The following MED22 variants were observed in gnomAD, a reference collection of about 807,000 sequenced individuals.
The protein encoded by MED22 is mediator complex subunit 22, also known as mediator of RNA polymerase II transcription subunit 22.
Under a neutral mutation model 22.7 loss-of-function variants are expected in MED22, and 22 were observed. The observed-to-expected ratio is 0.97, with a 90% CI of 0.69 to 1.38. MED22 has a LOEUF of 1.38. Among genes scored for constraint, MED22 ranks in the 40% most tolerant of loss-of-function variants. The pLI is 0.00. For missense variants in MED22, 247 were observed against 263.0 expected, an observed-to-expected ratio of 0.94 and a Z score of 0.42; for synonymous variants, 134 against 119.4, an observed-to-expected ratio of 1.12 and a Z score of -0.80.
chr9:133,342,508 CAG>C (rs1320850644), intron 4 of MED22: 2 of 986,830 alleles, frequency 2.0e-6, no homozygotes, highest in Non-Finnish European at 2.4e-6. Flanking sequence ...AACTAACAAG[CAG>C]AGAGGGGGCA....
intron 2 of MED22, among the ~76,000 whole-genome samples, chr9:133,346,002 C>G (rs2129966793): frequency 2.2e-4 from 34 of 152,356 alleles, no homozygotes; most frequent in Non-Finnish European, 4.3e-4. Context: ...GCAGAACAGG[C>G]ACAGATAACC....
chr9:133,341,990 C>A, intron 4 of MED22: 1 of 1,191,954 alleles, frequency 8.4e-7, no homozygotes, highest in Non-Finnish European at 1.0e-6. Context: ...TGGGCCTGTC[C>A]TAGCCTATGC....
intron 4 of MED22, chr9:133,343,054 G>A: frequency 1.0e-6 from 1 of 989,964 alleles, no homozygotes. Context: ...GCTGCCTCAT[G>A]TCTGCTGAGT....
chr9:133,348,060 C>G lies in MED22; in HGVS notation c.-177G>C. 1 of 802,848 alleles carries G rather than the reference C, an allele frequency of 1.2e-6. No individual in the cohort carries two copies. Among genetic ancestry groups the G allele is most frequent in the Non-Finnish European group, 2.1e-6 (1 of 484,360 alleles). The allele number at this position is 802,848 out of a possible 1,614,324, so 49.7% of individuals were successfully genotyped here. A position where few individuals can be genotyped will look rare whatever the true frequency, so the allele number is the denominator to read the frequency against. On this transcript the variant is annotated 5_prime_UTR_variant, in exon 1 of 5. Transcript: ENST00000343730. ...CCGCCGCAGTCTCTCTTCCCCGCCGCGCCGCGGTCCGAAAACCTAGTCAGC... is the reference window on the plus strand; with the variant it reads ...CCGCCGCAGTCTCTCTTCCCCGCCGGGCCGCGGTCCGAAAACCTAGTCAGC...
At position 133,340,688 on chromosome 9, in the gene MED22, G is replaced by A. The variant is rs2129945703; in HGVS notation, c.*817C>T. The A allele has an allele frequency of 3.5e-4, 54 of 152,400 alleles. No homozygotes were observed. Among genetic ancestry groups the A allele is most frequent in the African/African-American group, 1.1e-3 (45 of 41,580 alleles). 9.4% of individuals were successfully genotyped at this position (152,400 alleles called of 1,614,324 possible). A position where few individuals can be genotyped will look rare whatever the true frequency, so the allele number is the denominator to read the frequency against. ...ACTAGGAGCACCGGCTCTGGTAGCA[G>A]TGAGGATGAGATGCCAGCAGAGGCA... On this transcript the variant is annotated 3_prime_UTR_variant, in exon 5 of 5. Transcript: ENST00000343730.
chr9:133,341,158 C>T lies in MED22; in HGVS notation c.*347G>A, dbSNP rs2129947146. On this transcript the variant is annotated 3_prime_UTR_variant, in exon 5 of 5. Transcript: ENST00000343730. ...CCCCTCCCAACTCTGACAACAGGCT[C>T]GGGTCAGGACTCCCCGAAATCAGGC... 8 of 201,858 alleles carry T rather than the reference C, an allele frequency of 4.0e-5. No homozygotes were observed. The South Asian group carries it at 8.2e-4, about 21-fold the overall frequency. The allele number at this position is 201,858 out of a possible 1,614,324, so 12.5% of individuals were successfully genotyped here.
rs1375086789 is a variant in MED22 at position 133,338,379 on chromosome 9, C to G, written c.*3126G>C. 1.3e-5 allele frequency: 2 copies of G among 153,560 alleles called. No homozygotes were observed. The highest frequency in any genetic ancestry group is 2.9e-5 in the Non-Finnish European group (2 of 69,028). The allele number at this position is 153,560 out of a possible 1,614,324, so 9.5% of individuals were successfully genotyped here. A position where few individuals can be genotyped will look rare whatever the true frequency, so the allele number is the denominator to read the frequency against. On this transcript the variant is annotated 3_prime_UTR_variant, in exon 5 of 5. Coordinates refer to ENST00000343730, the MANE Select transcript of MED22 (RefSeq NM_133640.5). ...GGAGTGCAGTGGCCCGATCTCGGCT[C>G]ACTGCAACCTCCGCCTCCCGGGTTC...
At position 133,344,182 on chromosome 9, in the gene MED22, A is replaced by G. The variant is rs1836107962; in HGVS notation, c.356T>C (p.Leu119Pro). The change falls in exon 4 of 5, where the codon CTG (leucine) becomes CCG (proline). Residue 119 changes from leucine to proline, a missense_variant. Leu to Pro is a moderately conservative substitution (Grantham distance 98). Transcript: ENST00000343730. The stretch of plus-strand genomic sequence containing the variant: ...GAGGTCAATGGAGATCTCGTCTCGC[A>G]GCGTGATGAGCTTCCGGTCGCACTC... ...QEECDRKLIT[L>P]RDEISIDLYE... 1 of 1,613,966 alleles carries G rather than the reference A, an allele frequency of 6.2e-7. No individual in the cohort carries two copies. The highest frequency in any genetic ancestry group is 8.5e-7 in the Non-Finnish European group (1 of 1,180,012).
chr9:133,342,754 C>T, intron 4 of MED22: 1 of 985,884 alleles, frequency 1.0e-6, no homozygotes, highest in Non-Finnish European at 1.2e-6. Context: ...GCCTGGAAGC[C>T]CCGCTGGGTG....
Position 133,339,878 on chromosome 9 carries a change from G to A in MED22, c.*1627C>T, listed in dbSNP as rs1835965734. On this transcript the variant is annotated 3_prime_UTR_variant, in exon 5 of 5. Transcript: ENST00000343730. ...TCTGCTGCCAAGGCCATGAGCTGGA[G>A]AGGAAAAAAGGTCAGCAGAGCGGCT... 1 of 153,646 alleles carries A rather than the reference G, an allele frequency of 6.5e-6. No homozygotes were observed. The highest frequency in any genetic ancestry group is 1.4e-5 in the Non-Finnish European group (1 of 69,094). 9.5% of individuals were successfully genotyped at this position (153,646 alleles called of 1,614,324 possible). A position where few individuals can be genotyped will look rare whatever the true frequency, so the allele number is the denominator to read the frequency against.
rs1011690911 is a variant in MED22, at chr9:133,345,106, C to T, written c.204+66G>A. ...CAGCCCCAGAGCCCCCTCCACTCCA[C>T]CCAGGAAACCTGAGGGGACTGATGC... On this transcript the variant is annotated intron_variant, in intron 3 of 4. Coordinates refer to ENST00000343730, the MANE Select transcript of MED22 (RefSeq NM_133640.5). 3.2e-5 allele frequency: 49 copies of T among 1,543,790 alleles called. No individual in the cohort carries two copies. The South Asian group carries it at 3.2e-4, about 10-fold the overall frequency.
rs1163440750 is a variant in MED22, at chr9:133,343,730, G to T, written c.413+395C>A. The T allele has an allele frequency of 3.1e-6, 4 of 1,294,864 alleles. No individual in the cohort carries two copies. The African/African-American group carries it at 4.4e-5, about 14-fold the overall frequency. The allele number at this position is 1,294,864 out of a possible 1,614,324, so 80.2% of individuals were successfully genotyped here. A position where few individuals can be genotyped will look rare whatever the true frequency, so the allele number is the denominator to read the frequency against. The stretch of plus-strand genomic sequence containing the variant: ...TGGACCTGACTGCCCAAAAAAGGCT[G>T]GCCCAGCCTTGGCTGAAATCTCTAC... On this transcript the variant is annotated intron_variant, in intron 4 of 4. Transcript: ENST00000343730.
At chr9:133,342,612 A>G in intron 4 of MED22, 1 of 986,294 alleles carries the variant, frequency 1.0e-6, no homozygotes, top group Non-Finnish European at 1.2e-6. Flanking sequence ...GGGGCAGAGG[A>G]AACTCGGCCA....
intron 4 of MED22, chr9:133,341,945 T>A (rs1836018674): frequency 7.8e-7 from 1 of 1,287,446 alleles, no homozygotes; most frequent in Admixed American, 4.5e-5. Context: ...AACAGCTGTG[T>A]GACCTCAGCA....
chr9:133,348,131 T>A lies in MED22; in HGVS notation c.-248A>T, dbSNP rs1836257010. 1 of 1,446,950 alleles carries A rather than the reference T, an allele frequency of 6.9e-7. No homozygotes were observed. Among genetic ancestry groups the A allele is most frequent in the Non-Finnish European group, 9.7e-7 (1 of 1,028,960 alleles). The allele number at this position is 1,446,950 out of a possible 1,614,324, so 89.6% of individuals were successfully genotyped here. ...GCCTCGATTTTTAGCTTTATAGGAA[T>A]GCTGTTGCTTTAAATCCGAAATCCC... On this transcript the variant is annotated 5_prime_UTR_variant, in exon 1 of 5. Transcript: ENST00000343730.
At position 133,341,940 on chromosome 9, in the gene MED22, C is replaced by T. The variant is rs1413288955; in HGVS notation, c.414-246G>A. 6 of 1,297,536 alleles carry T rather than the reference C, an allele frequency of 4.6e-6. No homozygotes were observed. In the Admixed American group the frequency reaches 1.8e-4, roughly 38 times the overall value. 80.4% of individuals were successfully genotyped at this position (1,297,536 alleles called of 1,614,324 possible). On this transcript the variant is annotated intron_variant, in intron 4 of 4. Coordinates refer to ENST00000343730, the MANE Select transcript of MED22 (RefSeq NM_133640.5). ...GCCGCCCTGGCCCAACCACCAACAG[C>T]TGTGTGACCTCAGCAGGCCCTTCCT...
At chr9:133,343,069 G>C (rs1009627047) in intron 4 of MED22, 1 of 993,588 alleles carries the variant, frequency 1.0e-6, no homozygotes, top group Non-Finnish European at 1.2e-6. Context: ...CTGAGTTAAT[G>C]AGTACTGGGG....
chr9:133,344,003 C>G, intron 4 of MED22, 122 bp downstream of exon 4: 3 of 1,510,396 alleles, frequency 2.0e-6, no homozygotes, highest in Non-Finnish European at 2.7e-6. Flanking sequence ...CTCTGAAACC[C>G]AGGCATGGCT....
At chr9:133,343,431 C>A in intron 4 of MED22, 2 of 1,226,388 alleles carry the variant, frequency 1.6e-6, no homozygotes, top group South Asian at 8.3e-5. Context: ...CTCAAACGGT[C>A]GAAGGTTTCA....
Sources: allele counts gnomAD v4.1 joint callset (sites outside exome capture counted in the v4.1 genomes callset), GRCh38; gene constraint gnomAD v4.1.1; transcripts MANE v1.5; gene names NCBI Gene and HGNC (gene_info 2026-07-23, HGNC 2026-07-21).